Variants in RAPGEF4 observed in about 807,000 individuals in gnomAD.
RAPGEF4 encodes the protein Rap guanine nucleotide exchange factor 4.
RAPGEF4 carries 66 observed loss-of-function variants against 147.9 expected under a neutral mutation model. The observed-to-expected ratio is 0.45, with a 90% CI of 0.37 to 0.55. The LOEUF is 0.55. Ranked by LOEUF, RAPGEF4 falls within the 20% of genes least tolerant of loss-of-function variation. The pLI is 0.00. For missense variants in RAPGEF4, 1,071 were observed against 1,257.3 expected, an observed-to-expected ratio of 0.85 and a Z score of 2.24; for synonymous variants, 419 against 442.7, an observed-to-expected ratio of 0.95 and a Z score of 0.67.
At chr2:172,919,647 C>T in intron 5 of RAPGEF4, among the ~76,000 whole-genome samples, 1 of 152,146 alleles carries the variant, frequency 6.6e-6, no homozygotes, top group East Asian at 1.9e-4. Context: ...CTTCCCAAAC[C>T]AACACCTCTG....
chr2:172,821,737 TAAAAAAAAAAAAAAAAA>T, intron 4 of RAPGEF4: 1 of 819,300 alleles, frequency 1.2e-6, no homozygotes, highest in Non-Finnish European at 1.4e-6. Flanking sequence ...TAACTAAAGT[TAAAAAAAAAAAAAAAAA>T]AAAAAAAGGA....
chr2:173,032,142 ACT>A (rs1314611530), intron 26 of RAPGEF4, among the ~76,000 whole-genome samples: 2 of 152,184 alleles, frequency 1.3e-5, no homozygotes, highest in African/African-American at 4.8e-5. Flanking sequence ...GAGCACACAC[ACT>A]CTCTCAGCCT....
At position 173,020,625 on chromosome 2, in the gene RAPGEF4, G is replaced by A. The variant is rs764216883; in HGVS notation, c.2163G>A (p.Val721=). The change falls in exon 23 of 31, where the codon GTG becomes GTA. Residue 721 remains valine, a synonymous_variant. Coordinates refer to ENST00000397081, the MANE Select transcript of RAPGEF4 (RefSeq NM_007023.4). The part of the protein sequence containing the change: ...IVKMSSGGEK[V]VLKPNDVSVF... ...TGCTTTTTATGTTCACAGAAAAGGTGGTGCTCAAACCTAATGATGTTTCAG... is the reference window on the plus strand; with the variant it reads ...TGCTTTTTATGTTCACAGAAAAGGTAGTGCTCAAACCTAATGATGTTTCAG... 6.2e-7 allele frequency: 1 copy of A among 1,612,402 alleles called. No individual in the cohort carries two copies. The highest frequency in any genetic ancestry group is 8.5e-7 in the Non-Finnish European group (1 of 1,179,108).
chr2:172,976,923 G>A (rs1691136415), intron 10 of RAPGEF4, among the ~76,000 whole-genome samples: 1 of 152,184 alleles, frequency 6.6e-6, no homozygotes, highest in African/African-American at 2.4e-5. Context: ...AGACATTGCT[G>A]CCAGAATGCA....
At chr2:172,850,724 C>A (rs1353656908) in intron 4 of RAPGEF4, among the ~76,000 whole-genome samples, 1 of 152,174 alleles carries the variant, frequency 6.6e-6, no homozygotes, top group Non-Finnish European at 1.5e-5. Context: ...ACTATTAACA[C>A]TTTTGTCTGT....
At chr2:172,960,956 A>C (rs887368232) in intron 7 of RAPGEF4, 143 bp downstream of exon 7, 1 of 874,684 alleles carries the variant, frequency 1.1e-6, no homozygotes, top group Non-Finnish European at 1.8e-6. Flanking sequence ...TCAGTTCTCA[A>C]CATAAACCAG....
chr2:172,962,829 T>C (rs1048080488), intron 8 of RAPGEF4, among the ~76,000 whole-genome samples: 2 of 152,176 alleles, frequency 1.3e-5, no homozygotes, highest in African/African-American at 4.8e-5. Flanking sequence ...TTTGGATGTT[T>C]ACATTTGTAA....
intron 4 of RAPGEF4, among the ~76,000 whole-genome samples, chr2:172,870,766 A>G (rs994762272): frequency 6.6e-6 from 1 of 152,152 alleles, no homozygotes; most frequent in Non-Finnish European, 1.5e-5. Context: ...ATGACTTTAT[A>G]ATTTTTTCCT....
chr2:172,839,182 AC>A (rs2149696717), intron 4 of RAPGEF4, among the ~76,000 whole-genome samples: 1 of 152,234 alleles, frequency 6.6e-6, no homozygotes, highest in South Asian at 2.1e-4. Context: ...TGGCTTTGTT[AC>A]AGGAAAGGGG....
chr2:172,766,590 G>A (rs1270674134), intron 1 of RAPGEF4, among the ~76,000 whole-genome samples: 3 of 151,982 alleles, frequency 2.0e-5, no homozygotes, highest in African/African-American at 7.2e-5. Flanking sequence ...GTGTACACTT[G>A]TGAAGCCATC....
intron 4 of RAPGEF4, among the ~76,000 whole-genome samples, chr2:172,890,831 T>C (rs576871941): frequency 1.3e-5 from 2 of 152,202 alleles, no homozygotes; most frequent in Non-Finnish European, 2.9e-5. Context: ...GGGACTTTCG[T>C]TAAAAAATTA....
At chr2:173,004,416 T>G (rs766021120) in intron 17 of RAPGEF4, among the ~76,000 whole-genome samples, 1 of 152,162 alleles carries the variant, frequency 6.6e-6, no homozygotes, top group Non-Finnish European at 1.5e-5. Flanking sequence ...TCCTTTAGTC[T>G]TCAAAAGAAA....
intron 4 of RAPGEF4, among the ~76,000 whole-genome samples, chr2:172,863,979 G>A (rs1694332361): frequency 1.3e-5 from 2 of 152,128 alleles, no homozygotes; most frequent in African/African-American, 4.8e-5. Flanking sequence ...TAATCACCAG[G>A]ATAGAAAATA....
chr2:172,873,065 A>G (rs1462151906), intron 4 of RAPGEF4, among the ~76,000 whole-genome samples: 7 of 152,202 alleles, frequency 4.6e-5, no homozygotes, highest in Non-Finnish European at 1.0e-4. Context: ...AGACTCCTTA[A>G]TTGAAGATGC....
At chr2:172,935,730 T>A (rs1234233627) in intron 6 of RAPGEF4, among the ~76,000 whole-genome samples, 1 of 152,226 alleles carries the variant, frequency 6.6e-6, no homozygotes, top group Non-Finnish European at 1.5e-5. Flanking sequence ...AGAATCAAAT[T>A]TTCTTTTGCA....
intron 6 of RAPGEF4, among the ~76,000 whole-genome samples, chr2:172,956,705 C>G (rs181291820): frequency 2.6e-5 from 4 of 152,116 alleles, no homozygotes; most frequent in Non-Finnish European, 5.9e-5. Context: ...CTCCTGACCT[C>G]GTGATCTGCC....
At chr2:172,858,258 G>T (rs72908215) in intron 4 of RAPGEF4, among the ~76,000 whole-genome samples, 2,435 of 152,110 alleles carry the variant, frequency 0.016, 23 homozygotes, top group South Asian at 0.035. Context: ...TAATTTCATC[G>T]TATTCCTCTT....
intron 16 of RAPGEF4, among the ~76,000 whole-genome samples, chr2:172,998,905 A>G (rs1693630205): frequency 6.6e-6 from 1 of 152,242 alleles, no homozygotes; most frequent in African/African-American, 2.4e-5. Flanking sequence ...CATCTAAGGA[A>G]TGAGCTATAA....
chr2:173,024,304 G>A (rs1410025498), intron 23 of RAPGEF4, among the ~76,000 whole-genome samples: 4 of 147,164 alleles, frequency 2.7e-5, no homozygotes, highest in African/African-American at 1.0e-4. Flanking sequence ...TGCAAGCTCC[G>A]CCTCCCGGGT....
Sources: gnomAD v4.1 joint callset for allele counts (sites outside exome capture counted in the v4.1 genomes callset) on GRCh38, gnomAD v4.1.1 for gene constraint, MANE v1.5 for transcripts, NCBI Gene and HGNC (gene_info 2026-07-23, HGNC 2026-07-21) for gene names.